TLK2: variants seen among roughly 807,000 people sequenced by gnomAD.
The protein encoded by TLK2 is tousled like kinase 2.
Under a neutral mutation model 117.3 loss-of-function variants are expected in TLK2, and 6 were observed. That is an observed-to-expected ratio of 0.05 (90% CI 0.03 to 0.10). The LOEUF is 0.10. Among genes scored for constraint, TLK2 ranks in the 10% least tolerant of loss-of-function variants. The probability of loss-of-function intolerance (pLI) is 1.00; values close to 1 mark genes in which losing one functional copy is unlikely to be tolerated. For missense variants in TLK2, 299 were observed against 901.2 expected (o/e 0.33, Z 8.56); for synonymous variants, 257 against 316.7 (o/e 0.81, Z 2.00).
chr17:62,534,896 T>TC (rs1435131170), intron 6 of TLK2, among the ~76,000 whole-genome samples: 5 of 143,736 alleles, frequency 3.5e-5, no homozygotes, highest in Non-Finnish European at 6.1e-5. Flanking sequence ...TTTTTTTTTT[T>TC]TTTTTTTTTG....
At chr17:62,565,497 AC>A (rs1424102786) in intron 11 of TLK2, among the ~76,000 whole-genome samples, 1 of 152,012 alleles carries the variant, frequency 6.6e-6, no homozygotes, top group Non-Finnish European at 1.5e-5. Flanking sequence ...TACTAGAAAT[AC>A]AAAAATTAGC....
intron 2 of TLK2, chr17:62,508,462 A>G: frequency 2.0e-6 from 2 of 979,228 alleles, no homozygotes; most frequent in Non-Finnish European, 2.4e-6. Flanking sequence ...AAATAAATAC[A>G]TTGCAAAACA....
intron 2 of TLK2, among the ~76,000 whole-genome samples, chr17:62,509,983 T>C (rs1187196233): frequency 6.6e-6 from 1 of 152,196 alleles, no homozygotes; most frequent in African/African-American, 2.4e-5. Context: ...CTGTTTTTCA[T>C]AAATTACCCA....
At position 62,530,794 on chromosome 17, in the gene TLK2, G is replaced by C. The variant is rs183526591; in HGVS notation, c.364-5376G>C. ...GTATTCTTCTAGAATATATCTGCTA[G>C]AGATTAACTCTCTAGGTTTTTGTTT... On this transcript the variant is annotated intron_variant, in intron 6 of 21. Coordinates refer to ENST00000346027, the MANE Select transcript of TLK2 (RefSeq NM_006852.6). Among the ~76,000 whole-genome samples the C allele has an allele frequency of 2.6e-3, 394 of 152,256 alleles. 2 individuals carry two copies. Among genetic ancestry groups the C allele is most frequent in the African/African-American group, 9.0e-3 (373 of 41,546 alleles).
upstream of TLK2, among the ~76,000 whole-genome samples, chr17:62,478,427 G>C (rs2071173609): frequency 6.6e-6 from 1 of 150,828 alleles, no homozygotes; most frequent in Non-Finnish European, 1.5e-5. Flanking sequence ...CCCGGCCCGG[G>C]CCAGTCCAGC....
chr17:62,479,700 A>G (rs2071385098), intron 1 of TLK2, among the ~76,000 whole-genome samples: 1 of 152,208 alleles, frequency 6.6e-6, no homozygotes, highest in Non-Finnish European at 1.5e-5. Context: ...TGTGGGCTGC[A>G]GGGAGGATCC....
intron 2 of TLK2, among the ~76,000 whole-genome samples, chr17:62,510,402 T>C (rs2075050939): frequency 6.6e-6 from 1 of 152,222 alleles, no homozygotes; most frequent in South Asian, 2.1e-4. Context: ...TCCTAATGAC[T>C]GTGTGACCTT....
At chr17:62,539,033 A>G (rs1382960611) in intron 7 of TLK2, among the ~76,000 whole-genome samples, 1 of 152,240 alleles carries the variant, frequency 6.6e-6, no homozygotes, top group Non-Finnish European at 1.5e-5. Context: ...CAAATTGGCA[A>G]GGATTAATAA....
chr17:62,518,215 T>TA (rs2075771089), intron 2 of TLK2, among the ~76,000 whole-genome samples: 1 of 152,226 alleles, frequency 6.6e-6, no homozygotes, highest in Admixed American at 6.5e-5. Flanking sequence ...TGGGTTAATA[T>TA]AGTTTTTAAT....
intron 19 of TLK2, among the ~76,000 whole-genome samples, chr17:62,605,485 G>T (rs1211374536): frequency 6.6e-6 from 1 of 151,906 alleles, no homozygotes. Context: ...TGATCCTCCC[G>T]CCTCAGCTTC....
intron 2 of TLK2, among the ~76,000 whole-genome samples, chr17:62,517,723 A>C (rs1247005583): frequency 6.6e-6 from 1 of 150,866 alleles, no homozygotes. Context: ...TTTGAGATGG[A>C]GTCTCACTTT....
chr17:62,508,047 A>G lies in TLK2; in HGVS notation c.82-12726A>G, dbSNP rs567200159. On this transcript the variant is annotated intron_variant, in intron 2 of 21. Coordinates refer to ENST00000346027, the MANE Select transcript of TLK2 (RefSeq NM_006852.6). ...GGTAGTTTAAATGTTGTCATAGACA[A>G]TATAACTTTTATGGAGAGATCTTAT... Among the ~76,000 whole-genome samples, 270 of 152,236 alleles carry G rather than the reference A, an allele frequency of 1.8e-3. 1 individual carries two copies. Among genetic ancestry groups the G allele is most frequent in the African/African-American group, 6.0e-3 (251 of 41,540 alleles).
chr17:62,507,792 TCA>T (rs1262280555), intron 2 of TLK2, among the ~76,000 whole-genome samples: 2 of 152,104 alleles, frequency 1.3e-5, no homozygotes, highest in East Asian at 3.8e-4. Context: ...CATCTTAACC[TCA>T]GTGTTCATGG....
intron 10 of TLK2, among the ~76,000 whole-genome samples, chr17:62,564,442 A>G (rs185179088): frequency 2.6e-5 from 4 of 151,482 alleles, no homozygotes; most frequent in Admixed American, 2.0e-4. Context: ...AGGCTGAGGC[A>G]GGAGAATCGC....
At chr17:62,565,739 G>A (rs2079729681) in intron 11 of TLK2, among the ~76,000 whole-genome samples, 2 of 151,370 alleles carry the variant, frequency 1.3e-5, no homozygotes, top group Non-Finnish European at 2.9e-5. Context: ...CCTAGGGTTT[G>A]ACTTTCTATC....
At chr17:62,596,923 A>G (rs2082521470) in intron 17 of TLK2, among the ~76,000 whole-genome samples, 1 of 152,318 alleles carries the variant, frequency 6.6e-6, no homozygotes, top group African/African-American at 2.4e-5. Context: ...GCTAATTTAT[A>G]GTGTTTGCCA....
chr17:62,570,184 G>A (rs1175038378), intron 11 of TLK2, among the ~76,000 whole-genome samples: 1 of 152,092 alleles, frequency 6.6e-6, no homozygotes, highest in Non-Finnish European at 1.5e-5. Flanking sequence ...ATATCCTGAG[G>A]TACTAACGAC....
At position 62,522,092 on chromosome 17, in the gene TLK2, T is replaced by C. The variant is rs2076084459; in HGVS notation, c.154-112T>C. 3.5e-6 allele frequency: 4 copies of C among 1,131,852 alleles called. No individual in the cohort carries two copies. In the Admixed American group the frequency reaches 7.3e-5, roughly 21 times the overall value. The allele number at this position is 1,131,852 out of a possible 1,614,324, so 70.1% of individuals were successfully genotyped here. A position where few individuals can be genotyped will look rare whatever the true frequency, so the allele number is the denominator to read the frequency against. ...GAGGAAGACAGTGATTCAGGACTTG[T>C]CTGGGCCAGTTATATCTGTTTATAT... On this transcript the variant is annotated intron_variant, in intron 3 of 21. Transcript: ENST00000346027.
At chr17:62,488,523 T>C (rs993860696) in intron 2 of TLK2, among the ~76,000 whole-genome samples, 25 of 152,216 alleles carry the variant, frequency 1.6e-4, no homozygotes, top group Admixed American at 6.6e-5. Flanking sequence ...TGATGCATTT[T>C]AAGGAACTGT....
Sources: allele counts gnomAD v4.1 joint callset (sites outside exome capture counted in the v4.1 genomes callset), GRCh38; gene constraint gnomAD v4.1.1; transcripts MANE v1.5; gene names NCBI Gene and HGNC (gene_info 2026-07-23, HGNC 2026-07-21).